Variants in USP20 observed in about 807,000 individuals in gnomAD.
USP20 encodes ubiquitin specific peptidase 20, also known as ubiquitin carboxyl-terminal hydrolase 20.
USP20 carries 80 observed loss-of-function variants against 124.2 expected under a neutral mutation model. The ratio of observed to expected loss-of-function variants is 0.64; its 90% CI spans 0.54 to 0.78. The LOEUF (loss-of-function observed/expected upper bound fraction) is 0.78, where lower values mean the gene tolerates loss of function less well. USP20 is among the 30% of genes least tolerant of loss of function. USP20 has a pLI of 0.00. For missense variants in USP20, 1,043 were observed against 1,244.4 expected (o/e 0.84, Z 2.44); for synonymous variants, 481 against 512.3 (o/e 0.94, Z 0.83).
chr9:129,869,811 G>T lies in USP20; in HGVS notation c.1532G>T (p.Gly511Val). The stretch of plus-strand genomic sequence containing the variant: ...TGTGGGGACAGCTATGCCGCCCAGG[G>T]CTGGCTGGCCTTCATTGTGGAGTAC... ...GACGDSYAAQ[G>V]WLAFIVEYIR... Residue 511 changes from glycine to valine, a missense_variant, in exon 14 of 26, where the codon GGC (glycine) becomes GTC (valine). Physicochemically the swap from Gly to Val is moderately radical, Grantham distance 109. Transcript: ENST00000372429. 1 of 1,613,996 alleles carries T rather than the reference G, an allele frequency of 6.2e-7. No individual in the cohort carries two copies. Among genetic ancestry groups the T allele is most frequent in the South Asian group, 1.1e-5 (1 of 91,084 alleles).
intron 22 of USP20, 152 bp downstream of exon 22, chr9:129,876,390 G>A (rs2034410898): frequency 1.5e-6 from 1 of 648,924 alleles, no homozygotes; most frequent in African/African-American, 1.8e-5. Flanking sequence ...TGTAATCCCA[G>A]CACTTTGGGA....
intron 2 of USP20, among the ~76,000 whole-genome samples, chr9:129,850,484 G>C (rs1473111038): frequency 6.6e-6 from 1 of 152,144 alleles, no homozygotes; most frequent in African/African-American, 2.4e-5. Flanking sequence ...ACTTGGTTTG[G>C]TATCTGACAC....
intron 1 of USP20, among the ~76,000 whole-genome samples, chr9:129,844,031 G>T (rs1433024032): frequency 2.0e-5 from 3 of 152,166 alleles, no homozygotes. Flanking sequence ...TCACACCATT[G>T]CACTCCAGCC....
Position 129,869,663 on chromosome 9 carries a change from A to G in USP20, c.1393-9A>G. 6.2e-7 allele frequency: 1 copy of G among 1,613,704 alleles called. No homozygotes were observed. The highest frequency in any genetic ancestry group is 8.5e-7 in the Non-Finnish European group (1 of 1,179,792). ...AGGATGGGCAGCAGACTGACCTTCA[A>G]CCCCACAGGTATCCACCACAGTGGA... On this transcript the variant is annotated splice_polypyrimidine_tract_variant and intron_variant, in intron 13 of 25. Transcript: ENST00000372429.
At position 129,863,169 on chromosome 9, in the gene USP20, C is replaced by T. The variant is rs1465432880; in HGVS notation, c.498-17C>T. The T allele has an allele frequency of 1.2e-5, 18 of 1,510,256 alleles. No homozygotes were observed. Among genetic ancestry groups the T allele is most frequent in the East Asian group, 2.5e-5 (1 of 39,982 alleles). The allele number at this position is 1,510,256 out of a possible 1,614,324, so 93.6% of individuals were successfully genotyped here. On this transcript the variant is annotated splice_polypyrimidine_tract_variant and intron_variant, in intron 8 of 25. Transcript: ENST00000372429. ...TCATTTGCTCTCCTGACCTGGCTCT[C>T]TCTCCCCTGCACCCAGCCCGCCGCT...
chr9:129,859,169 G>A (rs555219210), intron 6 of USP20, among the ~76,000 whole-genome samples: 88 of 151,596 alleles, frequency 5.8e-4, no homozygotes, highest in Non-Finnish European at 8.7e-4. Flanking sequence ...TGTCCTCAGG[G>A]AATGGTCAGT....
At chr9:129,871,530 A>G (rs1365311630) in intron 15 of USP20, among the ~76,000 whole-genome samples, 1 of 151,982 alleles carries the variant, frequency 6.6e-6, no homozygotes, top group African/African-American at 2.4e-5. Context: ...GTCTATGCCT[A>G]TTTTTAATTT....
At chr9:129,876,098 G>GGCCA in intron 21 of USP20, 32 bp from the exon 22 acceptor site, 1 of 1,585,038 alleles carries the variant, frequency 6.3e-7, no homozygotes, top group Admixed American at 1.7e-5. Flanking sequence ...ACCCCGCTCA[G>GGCCA]GCCGTGTCTC....
intron 1 of USP20, among the ~76,000 whole-genome samples, chr9:129,837,004 C>T (rs2031891227): frequency 6.6e-6 from 1 of 152,186 alleles, no homozygotes; most frequent in Admixed American, 6.5e-5. Context: ...CATTTCTGGA[C>T]CCTCCTCCTC....
intron 22 of USP20, among the ~76,000 whole-genome samples, chr9:129,877,535 A>C (rs56085909): frequency 3.7e-3 from 560 of 152,060 alleles, no homozygotes; most frequent in Admixed American, 6.1e-3. Context: ...AACACAAACG[A>C]AAAAGAGACT....
chr9:129,869,306 C>G lies in USP20; in HGVS notation c.1277-4C>G, dbSNP rs2033996530. 2.5e-6 allele frequency: 4 copies of G among 1,612,444 alleles called. No individual in the cohort carries two copies. The highest frequency in any genetic ancestry group is 3.4e-6 in the Non-Finnish European group (4 of 1,179,014). On this transcript the variant is annotated splice_polypyrimidine_tract_variant and splice_region_variant and intron_variant, in intron 12 of 25. Coordinates refer to ENST00000372429, the MANE Select transcript of USP20 (RefSeq NM_001110303.4). ...GCTGGGCTAGTCCTGTGCTGTGTCC[C>G]CAGCCCAGGTATTGAGTGCTGGCAG...
rs2034582306 is a variant in USP20 at position 129,880,219 on chromosome 9, C to T, written c.2691C>T (p.Gly897=). 6.2e-7 allele frequency: 1 copy of T among 1,613,158 alleles called. No homozygotes were observed. Among genetic ancestry groups the T allele is most frequent in the African/African-American group, 1.3e-5 (1 of 74,928 alleles). The change falls in exon 25 of 26, where the codon GGC becomes GGT. Residue 897 remains glycine, a synonymous_variant. Transcript: ENST00000372429. ...AIRQSVAQPL[G]PENLHGEQKI... ...GCCAGAGTGTGGCGCAGCCGCTGGG[C>T]CCAGAGAACCTGCACGGGGAGCAGA...
chr9:129,875,758 C>A lies in USP20; in HGVS notation c.2300+117C>A, dbSNP rs1007844649. 1.3e-5 allele frequency: 13 copies of A among 993,282 alleles called. No individual in the cohort carries two copies. The African/African-American group carries it at 1.8e-4, about 14-fold the overall frequency. 61.5% of individuals were successfully genotyped at this position (993,282 alleles called of 1,614,324 possible). ...ACCCCACACCACACTCTGGCCTCCA[C>A]GTGGGCAGCACAGAGCCGCCTTCAC... On this transcript the variant is annotated intron_variant, in intron 21 of 25. Transcript: ENST00000372429.
Position 129,858,036 on chromosome 9 carries a change from C to T in USP20, c.136-14C>T, listed in dbSNP as rs747919120. The T allele has an allele frequency of 1.2e-6, 2 of 1,612,616 alleles. No individual in the cohort carries two copies. Among genetic ancestry groups the T allele is most frequent in the Non-Finnish European group, 8.5e-7 (1 of 1,178,940 alleles). The stretch of plus-strand genomic sequence containing the variant: ...TGGCAAGCTCCAGTCCACTCTCCTT[C>T]CCTCTCTTCCCAGGTTGCCTGCCCC... On this transcript the variant is annotated splice_polypyrimidine_tract_variant and intron_variant, in intron 4 of 25. Transcript: ENST00000372429.
intron 16 of USP20, 85 bp downstream of exon 16, chr9:129,873,600 A>G: frequency 6.2e-7 from 1 of 1,613,008 alleles, no homozygotes; most frequent in Non-Finnish European, 8.5e-7. Context: ...AGAGCCCCCT[A>G]TAATCCTGCC....
At chr9:129,836,103 C>T (rs964373735) in intron 1 of USP20, among the ~76,000 whole-genome samples, 3 of 152,192 alleles carry the variant, frequency 2.0e-5, no homozygotes, top group Non-Finnish European at 2.9e-5. Context: ...GTCGCTCTAC[C>T]CTCTGCCCCT....
chr9:129,857,975 G>C (rs1166674376), intron 4 of USP20, 75 bp from the exon 5 acceptor site: 2 of 1,397,296 alleles, frequency 1.4e-6, no homozygotes, highest in African/African-American at 2.8e-5. Flanking sequence ...CTGACTTTGG[G>C]ATGGAACCAG....
At position 129,869,299 on chromosome 9, in the gene USP20, T is replaced by C; in HGVS notation, c.1277-11T>C. The C allele has an allele frequency of 6.2e-7, 1 of 1,612,554 alleles. No homozygotes were observed. Among genetic ancestry groups the C allele is most frequent in the East Asian group, 2.2e-5 (1 of 44,874 alleles). On this transcript the variant is annotated splice_polypyrimidine_tract_variant and intron_variant, in intron 12 of 25. Transcript: ENST00000372429. ...GGTGGAGGCTGGGCTAGTCCTGTGC[T>C]GTGTCCCCAGCCCAGGTATTGAGTG... is the stretch of plus-strand genomic sequence containing the variant.
chr9:129,841,906 G>A (rs765086051), intron 1 of USP20, among the ~76,000 whole-genome samples: 5 of 152,164 alleles, frequency 3.3e-5, no homozygotes, highest in Non-Finnish European at 7.3e-5. Context: ...AGAGCCCTGA[G>A]TGGTCTCATG....
Sources: gnomAD v4.1 joint callset for allele counts (sites outside exome capture counted in the v4.1 genomes callset) on GRCh38, gnomAD v4.1.1 for gene constraint, MANE v1.5 for transcripts, NCBI Gene and HGNC (gene_info 2026-07-23, HGNC 2026-07-21) for gene names.